Variants in YWHAZ observed in about 807,000 individuals in gnomAD.
YWHAZ encodes the protein 14-3-3 protein zeta/delta.
For synonymous variants in YWHAZ, 87 were observed against 103.6 expected, an observed-to-expected ratio of 0.84 and a Z score of 0.97; for missense variants, 79 against 284.8, an observed-to-expected ratio of 0.28 and a Z score of 5.20.
In YWHAZ at chr8:100,950,661, G is replaced by GC. The variant is rs1563693843; in HGVS notation, c.-12+1267_-12+1268insG. The GC allele has an allele frequency of 2.5e-5, 23 of 915,000 alleles. 1 individual carries two copies. Among genetic ancestry groups the GC allele is most frequent in the African/African-American group, 3.6e-5 (2 of 55,536 alleles). 56.7% of individuals were successfully genotyped at this position (915,000 alleles called of 1,614,324 possible). ...CCCGCGCCCCCGCCCAAGCCGTGGG[G>GC]GGGGGGGAGAGATGGGGAGCGAAGC... On this transcript the variant is annotated intron_variant, in intron 1 of 5. Transcript: ENST00000395958.
chr8:100,931,709 C>T (rs1309490080), intron 2 of YWHAZ, among the ~76,000 whole-genome samples: 3 of 151,910 alleles, frequency 2.0e-5, no homozygotes, highest in East Asian at 1.9e-4. Context: ...AGCTCCCAAC[C>T]GAGAGTAGGC....
chr8:100,928,061 C>CCT, intron 2 of YWHAZ, among the ~76,000 whole-genome samples: 1 of 152,114 alleles, frequency 6.6e-6, no homozygotes, highest in East Asian at 2.0e-4. Context: ...GGGCGGATCA[C>CCT]GAGGTCAGGA....
Position 100,943,990 on chromosome 8 carries a change from AAAAAAAAG to A in YWHAZ, c.294+4598_294+4605del, listed in dbSNP as rs202066374. Among the ~76,000 whole-genome samples the A allele has an allele frequency of 9.2e-3, 1,384 of 150,952 alleles. 31 individuals carry two copies. Among genetic ancestry groups the A allele is most frequent in the African/African-American group, 0.031 (1,264 of 41,168 alleles). ...CGACAGAGCAAGACTCCGTCTCAAAAAAAAAAAGAAAAAAGAAAAAAAGAAAAAAAAGA... is the reference window on the plus strand; with the variant it reads ...CGACAGAGCAAGACTCCGTCTCAAAAAAAAAAGAAAAAAAGAAAAAAAAGA... On this transcript the variant is annotated intron_variant, in intron 2 of 5. Coordinates refer to ENST00000395958, the MANE Select transcript of YWHAZ (RefSeq NM_145690.3).
intron 2 of YWHAZ, among the ~76,000 whole-genome samples, chr8:100,937,285 CTTT>C (rs574435172): frequency 7.0e-6 from 1 of 142,638 alleles, no homozygotes; most frequent in African/African-American, 2.6e-5. Context: ...CCTTTATATG[CTTT>C]TTTTTTTTCA....
intron 1 of YWHAZ, among the ~76,000 whole-genome samples, chr8:100,949,641 TGTGA>T (rs1223860614): frequency 2.0e-5 from 3 of 152,232 alleles, no homozygotes; most frequent in East Asian, 3.8e-4. Flanking sequence ...CAACTCTTAC[TGTGA>T]GTACTAGAAT....
At position 100,951,973 on chromosome 8, in the gene YWHAZ, GTC is replaced by G; in HGVS notation, c.-58_-57del. 1.0e-6 allele frequency: 1 copy of G among 1,004,970 alleles called. No homozygotes were observed. The allele number at this position is 1,004,970 out of a possible 1,614,324, so 62.3% of individuals were successfully genotyped here. The stretch of plus-strand genomic sequence containing the variant: ...TGGCGGCGGACGGACGGGCTCAGCA[GTC>G]TCTGGGCGGCGGCGGCGGCAGCAGC... On this transcript the variant is annotated 5_prime_UTR_variant, in exon 1 of 6. Coordinates refer to ENST00000395958, the MANE Select transcript of YWHAZ (RefSeq NM_145690.3).
At chr8:100,928,419 C>G (rs996468652) in intron 2 of YWHAZ, among the ~76,000 whole-genome samples, 2 of 151,874 alleles carry the variant, frequency 1.3e-5, no homozygotes, top group African/African-American at 4.8e-5. Context: ...CACTGTAGCT[C>G]AAAAAAAGCT....
intron 2 of YWHAZ, among the ~76,000 whole-genome samples, chr8:100,932,902 T>C (rs1029946021): frequency 1.3e-5 from 2 of 152,138 alleles, no homozygotes; most frequent in African/African-American, 4.8e-5. Flanking sequence ...AAAGAAACAG[T>C]GAGTGCATAA....
chr8:100,951,846 G>C, intron 1 of YWHAZ, 83 bp downstream of exon 1: 1 of 986,858 alleles, frequency 1.0e-6, no homozygotes, highest in Non-Finnish European at 1.2e-6. Context: ...GGGGATGAGG[G>C]GACGGAGCGA....
In YWHAZ at chr8:100,924,787, C is replaced by A. The variant is rs922552779; in HGVS notation, c.418+129G>T. On this transcript the variant is annotated intron_variant, in intron 3 of 5. Transcript: ENST00000395958. This position sits in a 1 kb window ranked among gnomAD's most constrained non-coding sequence, Gnocchi z 5.7. ...GCAGTAGATGTGTATTCTCAGAACA[C>A]AAAGAGCACTGCTACTCCTTATTCG... 4.2e-6 allele frequency: 5 copies of A among 1,187,914 alleles called. No homozygotes were observed. In the African/African-American group the frequency reaches 7.7e-5, roughly 18 times the overall value. 73.6% of individuals were successfully genotyped at this position (1,187,914 alleles called of 1,614,324 possible).
chr8:100,923,455 G>C (rs1425952140), intron 5 of YWHAZ: 4 of 152,286 alleles, frequency 2.6e-5, no homozygotes, highest in African/African-American at 4.8e-5. Flanking sequence ...GATGTTCCTG[G>C]TGTGATAGTG....
intron 1 of YWHAZ, among the ~76,000 whole-genome samples, 155 bp from the exon 2 acceptor site, chr8:100,949,055 A>G (rs1810513466): frequency 6.6e-6 from 1 of 152,228 alleles, no homozygotes; most frequent in Non-Finnish European, 1.5e-5. Flanking sequence ...TCACAAAAGG[A>G]TAGTCAAAAA....
rs532715410 is a variant in YWHAZ at position 100,950,661 on chromosome 8, G to T, written c.-12+1268C>A. The T allele has an allele frequency of 1.9e-4, 177 of 914,994 alleles. 3 individuals are homozygous for T. Among genetic ancestry groups the T allele is most frequent in the African/African-American group, 9.9e-4 (55 of 55,534 alleles). 56.7% of individuals were successfully genotyped at this position (914,994 alleles called of 1,614,324 possible). The stretch of plus-strand genomic sequence containing the variant: ...CCCGCGCCCCCGCCCAAGCCGTGGG[G>T]GGGGGGGAGAGATGGGGAGCGAAGC... On this transcript the variant is annotated intron_variant, in intron 1 of 5. Coordinates refer to ENST00000395958, the MANE Select transcript of YWHAZ (RefSeq NM_145690.3).
Position 100,931,116 on chromosome 8 carries a change from T to C in YWHAZ, c.295-6077A>G, listed in dbSNP as rs1813729943. Among the ~76,000 whole-genome samples the C allele has an allele frequency of 2.0e-5, 3 of 152,222 alleles. No homozygotes were observed. The South Asian group carries it at 6.2e-4, about 31-fold the overall frequency. ...GTAGTATAATTAACCTCTTAGATTG[T>C]GAAAACACTTCCAAGAGATGGGGTT... On this transcript the variant is annotated intron_variant, in intron 2 of 5. Transcript: ENST00000395958.
rs1812851031 is a variant in YWHAZ at position 100,919,053 on chromosome 8, G to C, written c.*1640C>G. ...AGTCTCATCAACTAAGGAGAGATTT[G>C]CTGCAGTAAATAGGATGAGGGAAAT... On this transcript the variant is annotated 3_prime_UTR_variant, in exon 6 of 6. Transcript: ENST00000395958. The C allele has an allele frequency of 6.6e-6, 1 of 152,218 alleles. No individual in the cohort carries two copies. Among genetic ancestry groups the C allele is most frequent in the African/African-American group, 2.4e-5 (1 of 41,428 alleles). 9.4% of individuals were successfully genotyped at this position (152,218 alleles called of 1,614,324 possible).
intron 1 of YWHAZ, chr8:100,951,636 G>A (rs1048536180): frequency 2.4e-4 from 234 of 985,304 alleles, no homozygotes; most frequent in Admixed American, 9.2e-4. Context: ...GATCCCCAGG[G>A]ATCTCGCGTG....
chr8:100,921,918 G>A (rs527419395), intron 5 of YWHAZ, among the ~76,000 whole-genome samples: 1 of 152,254 alleles, frequency 6.6e-6, no homozygotes, highest in Admixed American at 6.5e-5. Context: ...AAAACGGAGG[G>A]GAAGGGGAAA....
At position 100,920,366 on chromosome 8, in the gene YWHAZ, T is replaced by C. The variant is rs1563665048; in HGVS notation, c.*327A>G. The C allele has an allele frequency of 3.8e-6, 1 of 263,744 alleles. No homozygotes were observed. The highest frequency in any genetic ancestry group is 9.1e-5 in the East Asian group (1 of 10,930). The allele number at this position is 263,744 out of a possible 1,614,324, so 16.3% of individuals were successfully genotyped here. On this transcript the variant is annotated 3_prime_UTR_variant, in exon 6 of 6. Coordinates refer to ENST00000395958, the MANE Select transcript of YWHAZ (RefSeq NM_145690.3). ...AAACCAGTATGTAGGCAGTTTTCTT[T>C]GCTTAGACATGGAAGCAGTTTTACA...
chr8:100,916,898 TA>T lies in YWHAZ; in HGVS notation c.*3794del, dbSNP rs1241898080. On this transcript the variant is annotated 3_prime_UTR_variant, in exon 6 of 6. Coordinates refer to ENST00000395958, the MANE Select transcript of YWHAZ (RefSeq NM_145690.3). ...AAAAGTATTTAATTAGTTTCACACT[TA>T]GAAAAGAATCCAAGTCTATTTTCCA... is the stretch of plus-strand genomic sequence containing the variant. The T allele has an allele frequency of 6.6e-6, 1 of 151,786 alleles. No individual in the cohort carries two copies. Among genetic ancestry groups the T allele is most frequent in the Admixed American group, 6.6e-5 (1 of 15,240 alleles). The allele number at this position is 151,786 out of a possible 1,614,324, so 9.4% of individuals were successfully genotyped here.
Sources: gnomAD v4.1 joint callset for allele counts (sites outside exome capture counted in the v4.1 genomes callset) on GRCh38, gnomAD v4.1.1 for gene constraint, Gnocchi (gnomAD v3.1) non-coding constraint, MANE v1.5 for transcripts, NCBI Gene and HGNC (gene_info 2026-07-23, HGNC 2026-07-21) for gene names.